Variants in DSCAM observed in about 807,000 individuals in gnomAD.
DSCAM encodes DS cell adhesion molecule.
A neutral mutation model predicts 217.7 loss-of-function variants in DSCAM; 47 were observed. That is an observed-to-expected ratio of 0.22 (90% CI 0.17 to 0.28). The LOEUF is 0.28. DSCAM is among the 10% of genes least tolerant of loss of function. The probability of loss-of-function intolerance (pLI) is 1.00; values close to 1 mark genes in which losing one functional copy is unlikely to be tolerated. For synonymous variants in DSCAM, 1,056 were observed against 1,015.3 expected (o/e 1.04, Z -0.76); for missense variants, 2,080 against 2,618.3 (o/e 0.79, Z 4.49).
intron 19 of DSCAM, among the ~76,000 whole-genome samples, chr21:40,129,623 T>C (rs1281071630): frequency 2.0e-5 from 3 of 152,198 alleles, no homozygotes; most frequent in Non-Finnish European, 4.4e-5. Flanking sequence ...TAGGACATCT[T>C]GTCTGTCGTG....
At chr21:40,397,222 C>T (rs778393920) in intron 3 of DSCAM, among the ~76,000 whole-genome samples, 6 of 152,100 alleles carry the variant, frequency 3.9e-5, no homozygotes, top group Admixed American at 1.3e-4. Context: ...CCTGCCAAAT[C>T]TCATGTTGAG....
intron 4 of DSCAM, among the ~76,000 whole-genome samples, chr21:40,354,332 ATATC>A (rs770398924): frequency 3.3e-5 from 5 of 152,168 alleles, no homozygotes; most frequent in Non-Finnish European, 7.3e-5. Flanking sequence ...CCCAAACTAT[ATATC>A]TATTATGCAT....
At chr21:40,614,920 C>T (rs1317361999) in intron 3 of DSCAM, among the ~76,000 whole-genome samples, 1 of 151,874 alleles carries the variant, frequency 6.6e-6, no homozygotes, top group African/African-American at 2.4e-5. Context: ...ACACTTATGC[C>T]ACATGTATAA....
chr21:40,176,411 G>A (rs1212121807), intron 15 of DSCAM, among the ~76,000 whole-genome samples: 7 of 152,018 alleles, frequency 4.6e-5, no homozygotes, highest in Non-Finnish European at 7.4e-5. Flanking sequence ...TCCCATATGA[G>A]GAATAAGGGA....
chr21:40,772,843 T>C (rs939971826), intron 1 of DSCAM, among the ~76,000 whole-genome samples: 8 of 152,286 alleles, frequency 5.3e-5, no homozygotes, highest in Non-Finnish European at 8.8e-5. Flanking sequence ...CTTCACAGGA[T>C]TTGCCTTAAG....
chr21:40,435,855 A>G (rs980089630), intron 3 of DSCAM, among the ~76,000 whole-genome samples: 1 of 152,188 alleles, frequency 6.6e-6, no homozygotes, highest in African/African-American at 2.4e-5. Flanking sequence ...CATACTTTGA[A>G]TTTTGATCTT....
rs986709657 is a variant in DSCAM at position 40,072,386 on chromosome 21, A to G, written c.4888+2651T>C. On this transcript the variant is annotated intron_variant, in intron 27 of 32. Transcript: ENST00000400454. ...TTTTGAGACAGAGTCTCGCTCTGTC[A>G]CCCAGGCTGGAGTGCAGTGGCGGGA... 8.2e-5 allele frequency among the ~76,000 whole-genome samples: 12 copies of G among 146,726 alleles called. No individual in the cohort carries two copies. In the South Asian group the frequency reaches 1.3e-3, roughly 16 times the overall value.
intron 3 of DSCAM, among the ~76,000 whole-genome samples, chr21:40,609,757 G>A (rs2089289005): frequency 6.6e-6 from 1 of 152,232 alleles, no homozygotes; most frequent in South Asian, 2.1e-4. Context: ...GGATAAAATA[G>A]AAACCCTTAT....
chr21:40,620,115 AAG>A (rs1327367516), intron 3 of DSCAM, among the ~76,000 whole-genome samples: 2 of 107,122 alleles, frequency 1.9e-5, no homozygotes, highest in African/African-American at 8.5e-5. Flanking sequence ...AAAAAAGAAA[AAG>A]AAAGAAAGAG....
chr21:40,524,540 ACAAT>A (rs978490819), intron 3 of DSCAM, among the ~76,000 whole-genome samples: 2 of 152,204 alleles, frequency 1.3e-5, no homozygotes, highest in Admixed American at 6.5e-5. Context: ...TCATGTATTA[ACAAT>A]CAATACAAAC....
At chr21:40,807,456 T>C (rs1368531033) in intron 1 of DSCAM, among the ~76,000 whole-genome samples, 1 of 150,922 alleles carries the variant, frequency 6.6e-6, no homozygotes, top group Non-Finnish European at 1.5e-5. Flanking sequence ...TCGCAGGAGG[T>C]GGGGCGGGAT....
intron 3 of DSCAM, among the ~76,000 whole-genome samples, chr21:40,578,697 C>T (rs2076877334): frequency 6.6e-6 from 1 of 152,180 alleles, no homozygotes; most frequent in Non-Finnish European, 1.5e-5. Flanking sequence ...TGAGCTGTAA[C>T]ACTCACTGTG....
chr21:40,453,190 T>C (rs1200425579), intron 3 of DSCAM, among the ~76,000 whole-genome samples: 1 of 152,118 alleles, frequency 6.6e-6, no homozygotes, highest in Non-Finnish European at 1.5e-5. Flanking sequence ...ATGTATAACC[T>C]TTTTATCTGC....
At chr21:40,811,718 C>T (rs1200107698) in intron 1 of DSCAM, among the ~76,000 whole-genome samples, 2 of 152,214 alleles carry the variant, frequency 1.3e-5, no homozygotes, top group Non-Finnish European at 2.9e-5. Context: ...CTTTGGGTCA[C>T]TTTCCAGGCC....
chr21:40,350,905 T>A (rs1403240544), intron 5 of DSCAM, among the ~76,000 whole-genome samples: 26 of 142,974 alleles, frequency 1.8e-4, no homozygotes, highest in South Asian at 6.9e-4. Flanking sequence ...TTTTTTTTTT[T>A]AGAATTGGGG....
At chr21:40,062,980 G>T (rs1251735297) in intron 27 of DSCAM, 81 bp from the exon 28 acceptor site, 1 of 1,309,278 alleles carries the variant, frequency 7.6e-7, no homozygotes, top group African/African-American at 1.5e-5. Flanking sequence ...ATACTCTACA[G>T]TCAGATCAGA....
intron 3 of DSCAM, among the ~76,000 whole-genome samples, chr21:40,473,950 T>C (rs895343423): frequency 1.3e-5 from 2 of 152,190 alleles, no homozygotes; most frequent in Admixed American, 1.3e-4. Flanking sequence ...CCCTGCTCAG[T>C]GGCATGTTTT....
At chr21:40,319,138 G>A (rs1176881109) in intron 8 of DSCAM, among the ~76,000 whole-genome samples, 3 of 152,118 alleles carry the variant, frequency 2.0e-5, no homozygotes, top group Non-Finnish European at 2.9e-5. Context: ...GAATTTCTGT[G>A]GATGAATGAA....
At chr21:40,145,312 C>T (rs1278512187) in intron 16 of DSCAM, among the ~76,000 whole-genome samples, 1 of 152,128 alleles carries the variant, frequency 6.6e-6, no homozygotes, top group Non-Finnish European at 1.5e-5. Flanking sequence ...AAGGAAATAT[C>T]CCAGAATCAC....
Sources: gnomAD v4.1 joint callset for allele counts (sites outside exome capture counted in the v4.1 genomes callset) on GRCh38, gnomAD v4.1.1 for gene constraint, MANE v1.5 for transcripts, NCBI Gene and HGNC (gene_info 2026-07-23, HGNC 2026-07-21) for gene names.